The following CELA1 variants were observed in gnomAD, a reference collection of about 807,000 sequenced individuals.
CELA1 encodes chymotrypsin-like elastase family member 1.
CELA1 carries 28 observed loss-of-function variants against 34.8 expected under a neutral mutation model. That is an observed-to-expected ratio of 0.80 (90% confidence interval 0.60 to 1.10). CELA1 has a LOEUF of 1.10. Among genes scored for constraint, CELA1 ranks in the 50% least tolerant of loss-of-function variants. The pLI is 0.00. For synonymous variants in CELA1, 140 were observed against 129.8 expected (o/e 1.08, Z -0.53); for missense variants, 288 against 327.5 (o/e 0.88, Z 0.93).
intron 7 of CELA1, among the ~76,000 whole-genome samples, chr12:51,329,144 C>T (rs1484658547): frequency 6.6e-6 from 1 of 150,594 alleles, no homozygotes; most frequent in Non-Finnish European, 1.5e-5. Context: ...ATCCCAACTA[C>T]TTGGGAGGCT....
Position 51,339,878 on chromosome 12 carries a change from T to TC in CELA1, c.590dup (p.Val198SerfsTer8), listed in dbSNP as rs17860318. The TC allele has an allele frequency of 1.8e-4, 294 of 1,613,504 alleles. 1 individual carries two copies. Among genetic ancestry groups the TC allele is most frequent in the Non-Finnish European group, 2.3e-4 (275 of 1,179,838 alleles). ...TGTTCACCTGGCATCCAGAGCGAAC[T>TC]CCATCTCCACCAGCACACACCATGG... On this transcript the variant is annotated frameshift_variant, in exon 6 of 8. Transcript: ENST00000293636. LOFTEE classifies it high-confidence loss of function.
At position 51,346,649 on chromosome 12, in the gene CELA1, G is replaced by T; in HGVS notation, c.-11C>A. ...ATAAAGGACCAGCATGTTGCCGATG[G>T]AGTAGACCACTGCCTTCTTGCTTGG... is the stretch of plus-strand genomic sequence containing the variant. On this transcript the variant is annotated 5_prime_UTR_variant, in exon 1 of 8. Coordinates refer to ENST00000293636, the MANE Select transcript of CELA1 (RefSeq NM_001971.6). The T allele has an allele frequency of 6.3e-7, 1 of 1,577,706 alleles. No homozygotes were observed. Among genetic ancestry groups the T allele is most frequent in the Non-Finnish European group, 8.7e-7 (1 of 1,154,568 alleles).
intron 6 of CELA1, among the ~76,000 whole-genome samples, chr12:51,333,597 T>A (rs1223110286): frequency 1.3e-5 from 2 of 151,838 alleles, no homozygotes; most frequent in African/African-American, 4.8e-5. Context: ...CTCCCTATGT[T>A]GCTGAGGCTA....
Position 51,334,983 on chromosome 12 carries a change from C to G in CELA1, c.609+4877G>C, listed in dbSNP as rs77659652. On this transcript the variant is annotated intron_variant, in intron 6 of 7. Coordinates refer to ENST00000293636, the MANE Select transcript of CELA1 (RefSeq NM_001971.6). ...CTAGTCCAGACCCATACAACCCTTT[C>G]CCCTTCATTTTCAGCAGTCAAGTTG... Among the ~76,000 whole-genome samples, 758 of 152,300 alleles carry G rather than the reference C, an allele frequency of 5.0e-3. 5 individuals carry two copies. Among genetic ancestry groups the G allele is most frequent in the African/African-American group, 0.017 (700 of 41,576 alleles).
At chr12:51,341,692 C>A (rs1249335013) in intron 4 of CELA1, among the ~76,000 whole-genome samples, 1 of 151,988 alleles carries the variant, frequency 6.6e-6, no homozygotes, top group African/African-American at 2.4e-5. Context: ...TGGCAGAGTT[C>A]TCAAACAAGA....
intron 7 of CELA1, 92 bp downstream of exon 7, chr12:51,329,592 T>TTCC: frequency 1.5e-6 from 2 of 1,335,182 alleles, no homozygotes; most frequent in Non-Finnish European, 2.0e-6. Context: ...AGATGACGGC[T>TTCC]TGCCCAGTCC....
At chr12:51,337,295 G>A (rs2137478804) in intron 6 of CELA1, among the ~76,000 whole-genome samples, 1 of 152,224 alleles carries the variant, frequency 6.6e-6, no homozygotes, top group East Asian at 1.9e-4. Context: ...AGCACTCCAG[G>A]AGGCCAAGGC....
intron 3 of CELA1, among the ~76,000 whole-genome samples, chr12:51,343,010 C>T (rs1296710454): frequency 1.3e-5 from 2 of 151,960 alleles, no homozygotes; most frequent in Non-Finnish European, 2.9e-5. Flanking sequence ...ATATAAGACT[C>T]TCCAAAATGA....
chr12:51,343,629 AG>A, intron 3 of CELA1, 123 bp downstream of exon 3: 1 of 629,728 alleles, frequency 1.6e-6, no homozygotes, highest in Non-Finnish European at 2.9e-6. Context: ...GGCCCTGAAC[AG>A]GAAAGGAGCC....
chr12:51,341,495 TGAA>T lies in CELA1; in HGVS notation c.327-118_327-116del, dbSNP rs1946535088. The T allele has an allele frequency of 1.0e-5, 12 of 1,166,560 alleles. No individual in the cohort carries two copies. The South Asian group carries it at 1.1e-4, about 11-fold the overall frequency. The allele number at this position is 1,166,560 out of a possible 1,614,324, so 72.3% of individuals were successfully genotyped here. On this transcript the variant is annotated intron_variant, in intron 4 of 7. Coordinates refer to ENST00000293636, the MANE Select transcript of CELA1 (RefSeq NM_001971.6). Reference sequence around the variant, plus strand: ...CCGTGGAATTGGAAAGTGACGACTTTGAAGAAGGACGGGGCTCACTTGCTAAGC... The same window carrying T: ...CCGTGGAATTGGAAAGTGACGACTTTGAAGGACGGGGCTCACTTGCTAAGC...
chr12:51,337,562 A>AG (rs57267854), intron 6 of CELA1, among the ~76,000 whole-genome samples: 1 of 149,950 alleles, frequency 6.7e-6, no homozygotes, highest in Non-Finnish European at 1.5e-5. Flanking sequence ...AAAAAAAAAA[A>AG]GCAGCCATAA....
At chr12:51,340,637 T>C (rs1592298079) in intron 5 of CELA1, among the ~76,000 whole-genome samples, 4 of 152,098 alleles carry the variant, frequency 2.6e-5, no homozygotes. Context: ...CCTGAGTACC[T>C]GGGACTACAG....
Position 51,329,669 on chromosome 12 carries a change from T to G in CELA1, c.759+15A>C. On this transcript the variant is annotated intron_variant, in intron 7 of 7. Coordinates refer to ENST00000293636, the MANE Select transcript of CELA1 (RefSeq NM_001971.6). ...CAGGTGACCCCATTTCAACCCATCATTTGAGAGGACTCACATTATTTATCC... is the reference window on the plus strand; with the variant it reads ...CAGGTGACCCCATTTCAACCCATCAGTTGAGAGGACTCACATTATTTATCC... The G allele has an allele frequency of 6.3e-7, 1 of 1,599,904 alleles. No homozygotes were observed.
At chr12:51,342,770 G>T in intron 3 of CELA1, 70 bp from the exon 4 acceptor site, 6 of 1,456,580 alleles carry the variant, frequency 4.1e-6, no homozygotes, top group Admixed American at 2.4e-5. Flanking sequence ...TTAGAGAAAA[G>T]TTGAAAAACC....
At chr12:51,346,160 C>G (rs1011881286) in intron 1 of CELA1, among the ~76,000 whole-genome samples, 2 of 151,998 alleles carry the variant, frequency 1.3e-5, no homozygotes, top group African/African-American at 4.8e-5. Flanking sequence ...TTGTGGTCTC[C>G]TCTTTGCTCA....
chr12:51,329,828 G>A lies in CELA1; in HGVS notation c.615C>T (p.Asp205=). ...GDGVRSGCQG[D]SGGPLHCLVN... ...CCAAGCAATGGAGGGGGCCCCCAGA[G>A]TCACCCTGCAGGGAGGAGAAACAGA... is the stretch of plus-strand genomic sequence containing the variant. Residue 205 remains aspartate (D), a synonymous_variant, in exon 7 of 8, where the codon GAC becomes GAT. Coordinates refer to ENST00000293636, the MANE Select transcript of CELA1 (RefSeq NM_001971.6). 1.2e-6 allele frequency: 2 copies of A among 1,610,984 alleles called. No individual in the cohort carries two copies. The highest frequency in any genetic ancestry group is 1.7e-6 in the Non-Finnish European group (2 of 1,178,820).
intron 6 of CELA1, among the ~76,000 whole-genome samples, chr12:51,335,200 ATT>A (rs1240369752): frequency 6.6e-6 from 1 of 151,970 alleles, no homozygotes; most frequent in Non-Finnish European, 1.5e-5. Flanking sequence ...CATTATTATT[ATT>A]ACCTCTGTCT....
intron 7 of CELA1, 21 bp from the exon 8 acceptor site, chr12:51,328,615 T>C: frequency 6.2e-7 from 1 of 1,612,068 alleles, no homozygotes. Flanking sequence ...GACAGTTATG[T>C]CCACAGTCAG....
In CELA1 at chr12:51,329,890, C is replaced by A. The variant is rs17860362; in HGVS notation, c.610-57G>T. The A allele has an allele frequency of 9.4e-3, 13,946 of 1,485,644 alleles. 80 individuals carry two copies. The highest frequency in any genetic ancestry group is 0.011 in the Non-Finnish European group (12,066 of 1,101,776). 92.0% of individuals were successfully genotyped at this position (1,485,644 alleles called of 1,614,324 possible). On this transcript the variant is annotated intron_variant, in intron 6 of 7. Coordinates refer to ENST00000293636, the MANE Select transcript of CELA1 (RefSeq NM_001971.6). ...CCAGATCTTCGGGCTTTTGCTTGCA[C>A]TCCCCCCGCCCCCGTCTCTGGTTGT...
Sources: allele counts gnomAD v4.1 joint callset (sites outside exome capture counted in the v4.1 genomes callset), GRCh38; gene constraint gnomAD v4.1.1; transcripts MANE v1.5; gene names NCBI Gene and HGNC (gene_info 2026-07-23, HGNC 2026-07-21).